The following ZC3H12B variants were observed in gnomAD, a reference collection of about 807,000 sequenced individuals.
The protein encoded by ZC3H12B is probable ribonuclease ZC3H12B.
In ZC3H12B, 7 loss-of-function variants were observed where a neutral mutation model predicts 43.9. The observed-to-expected ratio is 0.16, with a 90% CI of 0.09 to 0.30. The LOEUF is 0.30. Ranked by LOEUF, ZC3H12B falls within the 10% of genes least tolerant of loss-of-function variation. The pLI is 1.00. For missense variants in ZC3H12B, 475 were observed against 670.2 expected, an observed-to-expected ratio of 0.71 and a Z score of 3.22; for synonymous variants, 222 against 241.7, an observed-to-expected ratio of 0.92 and a Z score of 0.76.
intron 2 of ZC3H12B, among the ~76,000 whole-genome samples, chrX:65,387,536 G>A (rs146914125): frequency 0.018 from 2,034 of 111,752 alleles, 36 homozygotes; most frequent in Middle Eastern, 0.037. Flanking sequence ...ATGTGTGTCT[G>A]TGCATGTGAG....
At chrX:65,215,243 C>A in the ZC3H12B span, among the ~76,000 whole-genome samples, 1 of 111,570 alleles carries the variant, frequency 9.0e-6, no homozygotes, top group African/African-American at 3.2e-5. Flanking sequence ...CAAGAGTCAT[C>A]CTGAAGCTTC....
intron 2 of ZC3H12B, among the ~76,000 whole-genome samples, chrX:65,377,760 A>G (rs1252353315): frequency 8.9e-6 from 1 of 111,738 alleles, no homozygotes; most frequent in Non-Finnish European, 1.9e-5. Context: ...TCAAATGCTA[A>G]AGGAAGTACT....
At chrX:65,120,332 G>C in the ZC3H12B span, among the ~76,000 whole-genome samples, 2 of 111,199 alleles carry the variant, frequency 1.8e-5, no homozygotes, top group Non-Finnish European at 3.8e-5. Context: ...TTGAGCAGAG[G>C]TTTGTAGTTC....
intron 3 of ZC3H12B, among the ~76,000 whole-genome samples, chrX:65,423,274 G>A (rs1250173077): frequency 2.7e-5 from 3 of 111,739 alleles, no homozygotes; most frequent in African/African-American, 9.8e-5. Context: ...TGGGCATTTG[G>A]GTTGGTTCCA....
chrX:65,275,538 A>G, the ZC3H12B span, among the ~76,000 whole-genome samples: 1 of 112,959 alleles, frequency 8.9e-6, no homozygotes, highest in East Asian at 2.8e-4. Flanking sequence ...AAGCTGCCCA[A>G]CTTCCACCAC....
the ZC3H12B span, among the ~76,000 whole-genome samples, chrX:65,326,962 A>G: frequency 9.0e-6 from 1 of 111,492 alleles, no homozygotes; most frequent in Non-Finnish European, 1.9e-5. Context: ...CTATTATCAA[A>G]AAGACAAAGA....
the ZC3H12B span, among the ~76,000 whole-genome samples, chrX:65,264,009 C>T: frequency 9.0e-6 from 1 of 111,096 alleles, no homozygotes; most frequent in Admixed American, 9.6e-5. Flanking sequence ...ATGTATTTTG[C>T]ACAACTTGAA....
the ZC3H12B span, among the ~76,000 whole-genome samples, chrX:65,105,035 A>T: frequency 8.9e-6 from 1 of 112,105 alleles, no homozygotes; most frequent in South Asian, 3.7e-4. Flanking sequence ...CTGGATAAAG[A>T]AAATGTGGCA....
In ZC3H12B at chrX:65,460,798, G is replaced by T. The variant is rs2067730968; in HGVS notation, n.408-27848G>T. ...CAATACCATTCAGGACATAGGCATG[G>T]GCAAGGACTTCATGTCTAAAACACC... is the stretch of plus-strand genomic sequence containing the variant. On this transcript the variant is annotated intron_variant and non_coding_transcript_variant, in intron 3 of 5. Transcript: ENST00000617377. Among the ~76,000 whole-genome samples the T allele has an allele frequency of 2.7e-5, 3 of 111,365 alleles. No individual in the cohort carries two copies. In the Admixed American group the frequency reaches 2.9e-4, roughly 11 times the overall value.
At chrX:65,055,621 T>G in the ZC3H12B span, among the ~76,000 whole-genome samples, 1 of 112,114 alleles carries the variant, frequency 8.9e-6, no homozygotes, top group African/African-American at 3.2e-5. Context: ...TAGGGAAGAT[T>G]TCCTCTTTTT....
the ZC3H12B span, among the ~76,000 whole-genome samples, chrX:65,201,311 T>C: frequency 8.9e-6 from 1 of 111,822 alleles, no homozygotes; most frequent in Admixed American, 9.5e-5. Flanking sequence ...ATCCATTTCT[T>C]CTAGATTTTC....
At chrX:65,271,294 T>A in the ZC3H12B span, 1 of 112,369 alleles carries the variant, frequency 8.9e-6, no homozygotes, top group South Asian at 3.7e-4. Context: ...CTTTGGGAAA[T>A]GGTATTAAAA....
At chrX:65,054,653 G>A in the ZC3H12B span, among the ~76,000 whole-genome samples, 23 of 111,532 alleles carry the variant, frequency 2.1e-4, no homozygotes, top group African/African-American at 4.9e-4. Flanking sequence ...TGGGGGTGGC[G>A]TTGAATCTGT....
the ZC3H12B span, among the ~76,000 whole-genome samples, chrX:65,233,864 TAAAAC>T: frequency 9.1e-6 from 1 of 110,411 alleles, no homozygotes. Context: ...AAGACAAAAA[TAAAAC>T]GAGAGACAAA....
intron 2 of ZC3H12B, among the ~76,000 whole-genome samples, chrX:65,379,090 C>T (rs961188582): frequency 8.9e-6 from 1 of 112,145 alleles, no homozygotes; most frequent in Non-Finnish European, 1.9e-5. Flanking sequence ...GAAGCTCGAA[C>T]TGGGTGGAGC....
the ZC3H12B span, among the ~76,000 whole-genome samples, chrX:65,357,718 G>A: frequency 9.0e-6 from 1 of 111,675 alleles, no homozygotes; most frequent in Non-Finnish European, 1.9e-5. Flanking sequence ...GGAAAAATTG[G>A]TACCAGTCAC....
At chrX:65,361,091 A>C in the ZC3H12B span, among the ~76,000 whole-genome samples, 1 of 112,216 alleles carries the variant, frequency 8.9e-6, no homozygotes, top group African/African-American at 3.2e-5. Flanking sequence ...GATTGCACCT[A>C]TGAAACTATA....
chrX:65,061,247 C>T, the ZC3H12B span, among the ~76,000 whole-genome samples: 1 of 111,205 alleles, frequency 9.0e-6, no homozygotes, highest in African/African-American at 3.3e-5. Flanking sequence ...TTGCTGCACC[C>T]ATCAACTCGT....
intron 2 of ZC3H12B, among the ~76,000 whole-genome samples, chrX:65,392,925 C>T (rs978761372): frequency 8.0e-5 from 9 of 112,656 alleles, no homozygotes; most frequent in Non-Finnish European, 1.7e-4. Flanking sequence ...CTTTGGGATG[C>T]TGTTAATGTA....
Sources: gnomAD v4.1 joint callset for allele counts (sites outside exome capture counted in the v4.1 genomes callset) on GRCh38, gnomAD v4.1.1 for gene constraint, MANE v1.5 for transcripts, NCBI Gene and HGNC (gene_info 2026-07-23, HGNC 2026-07-21) for gene names.